The following CCSER1 variants were observed in gnomAD, a reference collection of about 807,000 sequenced individuals.
The protein encoded by CCSER1 is coiled-coil serine rich protein 1.
In CCSER1, 41 loss-of-function variants were observed where a neutral mutation model predicts 82.0. The ratio of observed to expected loss-of-function variants is 0.50; its 90% CI spans 0.39 to 0.65. The LOEUF is 0.65. Among genes scored for constraint, CCSER1 ranks in the 30% least tolerant of loss-of-function variants. CCSER1 has a pLI of 0.00. For missense variants in CCSER1, 1,119 were observed against 1,064.2 expected (o/e 1.05, Z -0.72); for synonymous variants, 414 against 383.9 (o/e 1.08, Z -0.92).
At chr4:90,339,361 C>T (rs893075866) in intron 3 of CCSER1, among the ~76,000 whole-genome samples, 3 of 152,100 alleles carry the variant, frequency 2.0e-5, no homozygotes, top group Non-Finnish European at 2.9e-5. Context: ...TTCACTCTTG[C>T]TTGCTTAGTC....
chr4:91,548,624 A>T (rs1487442563), intron 10 of CCSER1, among the ~76,000 whole-genome samples: 1 of 150,360 alleles, frequency 6.7e-6, no homozygotes, highest in Non-Finnish European at 1.5e-5. Context: ...TTCTCATGGT[A>T]TGTAATTCTA....
At chr4:90,278,552 TC>T (rs1728294133) in intron 1 of CCSER1, among the ~76,000 whole-genome samples, 1 of 152,022 alleles carries the variant, frequency 6.6e-6, no homozygotes, top group Admixed American at 6.6e-5. Context: ...AAGGCCATTA[TC>T]CTAAGTGAAC....
At chr4:91,336,703 G>A (rs961911076) in intron 10 of CCSER1, among the ~76,000 whole-genome samples, 1 of 151,966 alleles carries the variant, frequency 6.6e-6, no homozygotes, top group Non-Finnish European at 1.5e-5. Flanking sequence ...ATTCTAATTA[G>A]AGTTTATTCT....
chr4:91,489,306 C>A (rs1169186128), intron 10 of CCSER1, among the ~76,000 whole-genome samples: 1 of 152,170 alleles, frequency 6.6e-6, no homozygotes, highest in Middle Eastern at 3.2e-3. Flanking sequence ...GGCCCCCACA[C>A]AGATTTTCCA....
At chr4:91,095,664 G>T (rs1351711577) in intron 10 of CCSER1, among the ~76,000 whole-genome samples, 1 of 152,126 alleles carries the variant, frequency 6.6e-6, no homozygotes, top group Admixed American at 6.5e-5. Context: ...CATACGATAG[G>T]CCTCACACTG....
At chr4:90,495,861 G>GGGA (rs367671453) in intron 5 of CCSER1, among the ~76,000 whole-genome samples, 2 of 152,086 alleles carry the variant, frequency 1.3e-5, no homozygotes, top group African/African-American at 4.8e-5. Context: ...TAGAATGGCA[G>GGGA]GGAGGAGGAG....
At chr4:90,547,288 T>G (rs1048723228) in intron 5 of CCSER1, among the ~76,000 whole-genome samples, 3 of 152,036 alleles carry the variant, frequency 2.0e-5, no homozygotes, top group African/African-American at 4.8e-5. Flanking sequence ...ATAAAGATTT[T>G]TTTAATCTTT....
At chr4:90,869,717 AT>A (rs35693099) in intron 8 of CCSER1, among the ~76,000 whole-genome samples, 62,883 of 148,084 alleles carry the variant, frequency 0.42, 13,788 homozygotes, top group African/African-American at 0.55. Flanking sequence ...AAATTTTAGG[AT>A]TTTTTTTTTT....
chr4:90,345,416 T>A (rs1022909104), intron 3 of CCSER1, among the ~76,000 whole-genome samples: 5 of 152,048 alleles, frequency 3.3e-5, no homozygotes, highest in Admixed American at 2.0e-4. Flanking sequence ...GTAGCAGAAG[T>A]TTATTGTTGG....
At chr4:91,131,351 C>A (rs991807642) in intron 10 of CCSER1, among the ~76,000 whole-genome samples, 36 of 112,522 alleles carry the variant, frequency 3.2e-4, no homozygotes, top group African/African-American at 1.2e-3. Context: ...TTTTTTGATT[C>A]TATGATGTTA....
chr4:90,145,470 A>G (rs561543851), intron 1 of CCSER1, among the ~76,000 whole-genome samples: 2 of 152,256 alleles, frequency 1.3e-5, no homozygotes, highest in South Asian at 2.1e-4. Context: ...CATGCTCTGC[A>G]TCCATAGTTG....
chr4:91,297,902 C>G (rs1282595095), intron 10 of CCSER1, among the ~76,000 whole-genome samples: 2 of 151,866 alleles, frequency 1.3e-5, no homozygotes, highest in Non-Finnish European at 2.9e-5. Context: ...AAATCTAGAG[C>G]CTGACCTTGA....
intron 10 of CCSER1, among the ~76,000 whole-genome samples, chr4:91,468,964 C>T (rs1757112234): frequency 6.6e-6 from 1 of 151,976 alleles, no homozygotes; most frequent in Non-Finnish European, 1.5e-5. Flanking sequence ...ACTAATTATC[C>T]AATTTCAGAA....
At chr4:90,164,914 A>G (rs1380531653) in intron 1 of CCSER1, among the ~76,000 whole-genome samples, 2 of 152,138 alleles carry the variant, frequency 1.3e-5, no homozygotes, top group Non-Finnish European at 2.9e-5. Flanking sequence ...ATATGATAGC[A>G]TACAGAAATG....
chr4:90,672,030 T>C (rs955356412), intron 6 of CCSER1, among the ~76,000 whole-genome samples: 6 of 152,066 alleles, frequency 3.9e-5, no homozygotes, highest in Non-Finnish European at 7.4e-5. Flanking sequence ...GTGAGCCATG[T>C]CATTAAACAG....
chr4:91,477,628 G>A (rs1041931171), intron 10 of CCSER1, among the ~76,000 whole-genome samples: 1 of 151,418 alleles, frequency 6.6e-6, no homozygotes, highest in Non-Finnish European at 1.5e-5. Context: ...TCAAGTTATG[G>A]TTATAATGCT....
At chr4:90,634,001 T>C (rs1724951867) in intron 6 of CCSER1, among the ~76,000 whole-genome samples, 1 of 151,836 alleles carries the variant, frequency 6.6e-6, no homozygotes, top group South Asian at 2.1e-4. Context: ...GGAAAAGACA[T>C]GACTGTAGTA....
intron 6 of CCSER1, among the ~76,000 whole-genome samples, chr4:90,674,275 C>T (rs1733375137): frequency 6.6e-6 from 1 of 151,534 alleles, no homozygotes; most frequent in South Asian, 2.1e-4. Flanking sequence ...TCTTTAGGCC[C>T]CAGAGGAATC....
intron 9 of CCSER1, among the ~76,000 whole-genome samples, chr4:90,959,755 G>A (rs1318688106): frequency 9.6e-5 from 8 of 83,758 alleles, no homozygotes; most frequent in South Asian, 3.4e-4. Flanking sequence ...TTTTTTTTTC[G>A]TTTGTTTTCT....
Sources: gnomAD v4.1 joint callset for allele counts (sites outside exome capture counted in the v4.1 genomes callset) on GRCh38, gnomAD v4.1.1 for gene constraint, MANE v1.5 for transcripts, NCBI Gene and HGNC (gene_info 2026-07-23, HGNC 2026-07-21) for gene names.